GSG1L: variants seen among roughly 807,000 people sequenced by gnomAD.
GSG1L encodes germ cell-specific gene 1-like protein.
GSG1L carries 24 observed loss-of-function variants against 42.1 expected under a neutral mutation model. That is an observed-to-expected ratio of 0.57 (90% CI 0.41 to 0.80). GSG1L has a LOEUF of 0.80. GSG1L is among the 30% of genes least tolerant of loss of function. The pLI is 0.00. For synonymous variants in GSG1L, 215 were observed against 203.5 expected (o/e 1.06, Z -0.48); for missense variants, 445 against 472.2 (o/e 0.94, Z 0.53).
chr16:27,845,183 C>T (rs1331400633), intron 3 of GSG1L, 122 bp from the exon 4 acceptor site: 6 of 633,484 alleles, frequency 9.5e-6, no homozygotes, highest in African/African-American at 5.4e-5. Context: ...GAACAGGGAC[C>T]TCTGGGTAAG....
intron 1 of GSG1L, among the ~76,000 whole-genome samples, chr16:27,980,520 G>C (rs1002832307): frequency 6.6e-6 from 1 of 152,168 alleles, no homozygotes; most frequent in Non-Finnish European, 1.5e-5. Context: ...TGCTTTACAT[G>C]CATCAATTGC....
intron 3 of GSG1L, among the ~76,000 whole-genome samples, chr16:27,867,670 C>T (rs1487810032): frequency 3.9e-5 from 6 of 152,186 alleles, no homozygotes; most frequent in African/African-American, 1.4e-4. Context: ...CAACCCACTC[C>T]CTGGGGAGCT....
rs994371082 is a variant in GSG1L, at chr16:28,043,364, G to T, written c.349+19712C>A. Among the ~76,000 whole-genome samples, 15 of 152,210 alleles carry T rather than the reference G, an allele frequency of 9.9e-5. 1 individual carries two copies. The highest frequency in any genetic ancestry group is 3.6e-4 in the African/African-American group (15 of 41,456). On this transcript the variant is annotated intron_variant, in intron 1 of 6. Coordinates refer to ENST00000447459, the MANE Select transcript of GSG1L (RefSeq NM_001109763.2). ...CATAGAAAACTATAAAGGATTTGAG[G>T]CTCGGAGTCCTCTCTCAAACATTCA...
intron 2 of GSG1L, among the ~76,000 whole-genome samples, chr16:27,932,558 G>A (rs2084668596): frequency 1.3e-5 from 2 of 152,076 alleles, no homozygotes; most frequent in Non-Finnish European, 2.9e-5. Flanking sequence ...ACTCACTATC[G>A]CCATGACAGC....
At chr16:28,046,343 T>A (rs1311138021) in intron 1 of GSG1L, among the ~76,000 whole-genome samples, 3 of 2,932 alleles carry the variant, frequency 1.0e-3, no homozygotes, top group African/African-American at 5.6e-3. Flanking sequence ...AGTCCACTCT[T>A]TTTTTTTTTT....
chr16:28,019,987 G>A (rs1056705493), intron 1 of GSG1L, among the ~76,000 whole-genome samples: 1 of 152,208 alleles, frequency 6.6e-6, no homozygotes. Flanking sequence ...GTCTCGCCTT[G>A]TAGGCACTAG....
intron 1 of GSG1L, among the ~76,000 whole-genome samples, chr16:27,988,825 T>C (rs1182285288): frequency 1.4e-5 from 2 of 147,988 alleles, no homozygotes; most frequent in South Asian, 2.1e-4. Flanking sequence ...GAGGCCGAGG[T>C]GGGCGGATCA....
At chr16:27,824,992 C>T (rs4787995) in intron 5 of GSG1L, among the ~76,000 whole-genome samples, 38,400 of 152,196 alleles carry the variant, frequency 0.25, 5,151 homozygotes, top group South Asian at 0.4. Context: ...CAGCCTGGGA[C>T]GAGATGAGCC....
chr16:28,053,854 T>A (rs2086247586), intron 1 of GSG1L, among the ~76,000 whole-genome samples: 1 of 152,214 alleles, frequency 6.6e-6, no homozygotes, highest in African/African-American at 2.4e-5. Flanking sequence ...TCTGTCCGGG[T>A]GTGCACCCAA....
chr16:27,998,972 C>A (rs1210869853), intron 1 of GSG1L, among the ~76,000 whole-genome samples: 2 of 152,074 alleles, frequency 1.3e-5, no homozygotes, highest in African/African-American at 2.4e-5. Flanking sequence ...ATGACACAGC[C>A]AGCACTTTAA....
chr16:27,966,157 G>A (rs1031843307), intron 1 of GSG1L, among the ~76,000 whole-genome samples: 1 of 152,166 alleles, frequency 6.6e-6, no homozygotes, highest in Admixed American at 6.5e-5. Flanking sequence ...TTTCTCAAAT[G>A]TTATCTTCCC....
rs2082979151 is a variant in GSG1L at position 27,807,489 on chromosome 16, G to A, written c.896C>T (p.Ala299Val). The change falls in exon 6 of 7, where the codon GCC (alanine) becomes GTC (valine). Residue 299 changes from alanine to valine, a missense_variant and splice_region_variant. Physicochemically the swap from Ala to Val is moderately conservative, Grantham distance 64. Transcript: ENST00000447459. ...HLDCRHERYPARHQPHMADSW... is the reference protein window; with the variant it reads ...HLDCRHERYPVRHQPHMADSW... ...ATACCCACAAACAGGCCACTTACGG[G>A]CAGGGTATCTCTCGTGGCGGCAGTC... 2 of 1,612,122 alleles carry A rather than the reference G, an allele frequency of 1.2e-6. No individual in the cohort carries two copies. The highest frequency in any genetic ancestry group is 1.1e-5 in the South Asian group (1 of 90,962).
intron 2 of GSG1L, among the ~76,000 whole-genome samples, chr16:27,934,030 G>T (rs971595223): frequency 6.6e-6 from 1 of 152,140 alleles, no homozygotes; most frequent in South Asian, 2.1e-4. Flanking sequence ...TCTTAAAGAG[G>T]CGTTGATGAG....
chr16:27,928,224 G>A (rs2084617089), intron 2 of GSG1L, among the ~76,000 whole-genome samples: 1 of 152,194 alleles, frequency 6.6e-6, no homozygotes, highest in Admixed American at 6.5e-5. Flanking sequence ...TATTAGCCCA[G>A]TTTGACAGAT....
intron 2 of GSG1L, among the ~76,000 whole-genome samples, chr16:27,925,466 G>T (rs1045962578): frequency 6.6e-6 from 1 of 152,194 alleles, no homozygotes; most frequent in African/African-American, 2.4e-5. Context: ...GACTGAGAAA[G>T]AGTCTTGACC....
At chr16:28,045,419 T>A (rs1596728315) in intron 1 of GSG1L, among the ~76,000 whole-genome samples, 1 of 152,336 alleles carries the variant, frequency 6.6e-6, no homozygotes, top group East Asian at 1.9e-4. Context: ...CTCACGCCTG[T>A]AATTCCAGCA....
chr16:27,797,554 G>A (rs1210029903), intron 6 of GSG1L, among the ~76,000 whole-genome samples: 1 of 147,958 alleles, frequency 6.8e-6, no homozygotes, highest in Non-Finnish European at 1.5e-5. Context: ...CGGGCGCGGT[G>A]GCTCACGCCT....
At chr16:27,905,670 C>T (rs778660337) in intron 2 of GSG1L, among the ~76,000 whole-genome samples, 9 of 151,960 alleles carry the variant, frequency 5.9e-5, no homozygotes, top group Non-Finnish European at 1.2e-4. Context: ...GGCTTATCTG[C>T]AATGGTACAT....
chr16:27,893,694 C>G (rs1430539741), intron 2 of GSG1L, among the ~76,000 whole-genome samples: 1 of 152,184 alleles, frequency 6.6e-6, no homozygotes, highest in Non-Finnish European at 1.5e-5. Flanking sequence ...ATTCTTCTGT[C>G]TCAGCCTCCC....
Sources: allele counts gnomAD v4.1 joint callset (sites outside exome capture counted in the v4.1 genomes callset), GRCh38; gene constraint gnomAD v4.1.1; transcripts MANE v1.5; gene names NCBI Gene and HGNC (gene_info 2026-07-23, HGNC 2026-07-21).